LTK: variants seen among roughly 807,000 people sequenced by gnomAD.
LTK encodes the protein leukocyte tyrosine kinase receptor.
A neutral mutation model predicts 101.5 loss-of-function variants in LTK; 117 were observed. The ratio of observed to expected loss-of-function variants is 1.15; its 90% CI spans 0.99 to 1.34. The LOEUF is 1.34. LTK is among the 40% of genes most tolerant of loss of function. LTK has a pLI of 0.00. For missense variants in LTK, 1,252 were observed against 1,164.7 expected (o/e 1.07, Z -1.09); for synonymous variants, 563 against 494.2 (o/e 1.14, Z -1.85).
At chr15:41,510,531 G>C (rs541226373) in intron 7 of LTK, among the ~76,000 whole-genome samples, 160 of 151,446 alleles carry the variant, frequency 1.1e-3, no homozygotes, top group African/African-American at 3.2e-3. Context: ...GAGTGATCTC[G>C]GCTCACTGCA....
In LTK at chr15:41,513,747, T is replaced by G; in HGVS notation, c.-38A>C. 6.3e-7 allele frequency: 1 copy of G among 1,589,208 alleles called. No individual in the cohort carries two copies. Among genetic ancestry groups the G allele is most frequent in the East Asian group, 2.2e-5 (1 of 44,746 alleles). ...CACCCGGCAACAAAAGCCCTTGCGGTCGCGGCCACACCCCTGTCAACCTAA... is the reference window on the plus strand; with the variant it reads ...CACCCGGCAACAAAAGCCCTTGCGGGCGCGGCCACACCCCTGTCAACCTAA... On this transcript the variant is annotated 5_prime_UTR_variant, in exon 1 of 20. Transcript: ENST00000263800.
intron 10 of LTK, 52 bp downstream of exon 10, chr15:41,507,510 T>G: frequency 2.5e-6 from 4 of 1,597,286 alleles, no homozygotes; most frequent in Non-Finnish European, 3.4e-6. Context: ...CCATCCCAGC[T>G]CACTGGAGAG....
rs1484820319 is a variant in LTK at position 41,512,704 on chromosome 15, T to C, written c.359+3A>G. ...GTCCACCCTACCTCCGCCGTGCACT[T>C]ACAGATACTGGCCAGGGCCCGGCAC... On this transcript the variant is annotated splice_donor_region_variant and intron_variant, in intron 3 of 19. Transcript: ENST00000263800. 4 of 1,576,346 alleles carry C rather than the reference T, an allele frequency of 2.5e-6. No homozygotes were observed. In the South Asian group the frequency reaches 3.4e-5, roughly 13 times the overall value.
intron 4 of LTK, 58 bp from the exon 5 acceptor site, chr15:41,512,021 G>C: frequency 6.9e-7 from 1 of 1,457,396 alleles, no homozygotes; most frequent in Non-Finnish European, 9.0e-7. Context: ...CGCTGTGCTG[G>C]TGACCCGGCA....
chr15:41,506,249 T>C (rs2051278544), intron 11 of LTK, among the ~76,000 whole-genome samples: 1 of 152,232 alleles, frequency 6.6e-6, no homozygotes, highest in South Asian at 2.1e-4. Flanking sequence ...TGATGAGGAC[T>C]TCCCTGGTCC....
chr15:41,507,593 G>T lies in LTK; in HGVS notation c.1314C>A (p.Ser438Arg). ...TCAGGACCCCACACACCATAAGGAGGCTCAGTGTTGAGGTTGCCACCACAG... is the reference window on the plus strand; with the variant it reads ...TCAGGACCCCACACACCATAAGGAGTCTCAGTGTTGAGGTTGCCACCACAG... ...MVAVVATSTLSLLMVCGVLIL... is the reference protein window; with the variant it reads ...MVAVVATSTLRLLMVCGVLIL... The change falls in exon 10 of 20, where the codon AGC (serine) becomes AGA (arginine). Residue 438 changes from serine (S) to arginine (R), a missense_variant. By Grantham distance (110) the Ser-to-Arg change is moderately radical. Coordinates refer to ENST00000263800, the MANE Select transcript of LTK (RefSeq NM_002344.6). 6.2e-7 allele frequency: 1 copy of T among 1,613,978 alleles called. No homozygotes were observed. The highest frequency in any genetic ancestry group is 8.5e-7 in the Non-Finnish European group (1 of 1,179,990).
chr15:41,512,975 A>G lies in LTK; in HGVS notation c.187+2T>C. On this transcript the variant is annotated splice_donor_variant, in intron 2 of 19. Transcript: ENST00000263800. LOFTEE classifies it high-confidence loss of function. ...AAGAGGAAGGAGGCGTCTAAAGCTCACCCGGAGAATTCAGCGGGGAGGCTG... is the reference window on the plus strand; with the variant it reads ...AAGAGGAAGGAGGCGTCTAAAGCTCGCCCGGAGAATTCAGCGGGGAGGCTG... The G allele has an allele frequency of 6.2e-7, 1 of 1,613,460 alleles. No homozygotes were observed. Among genetic ancestry groups the G allele is most frequent in the Non-Finnish European group, 8.5e-7 (1 of 1,179,868 alleles).
chr15:41,507,459 G>C (rs1453933863), intron 10 of LTK, 103 bp downstream of exon 10: 1 of 1,554,870 alleles, frequency 6.4e-7, no homozygotes, highest in Non-Finnish European at 8.7e-7. Flanking sequence ...GCTCTGCTGC[G>C]GTGAGTGGTC....
At position 41,513,819 on chromosome 15, in the gene LTK, G is replaced by T; in HGVS notation, c.-110C>A. ...CGGCAGCCCTGGCCACCACTTACAG[G>T]GGTGTGCTGCCGCTGGCGAGACACT... On this transcript the variant is annotated 5_prime_UTR_variant, in exon 1 of 20. Coordinates refer to ENST00000263800, the MANE Select transcript of LTK (RefSeq NM_002344.6). The T allele has an allele frequency of 1.0e-6, 1 of 967,884 alleles. No homozygotes were observed. The highest frequency in any genetic ancestry group is 2.5e-5 in the East Asian group (1 of 39,814). The allele number at this position is 967,884 out of a possible 1,614,324, so 60.0% of individuals were successfully genotyped here.
Position 41,512,232 on chromosome 15 carries a change from G to A in LTK, c.393C>T (p.Gly131=). The A allele has an allele frequency of 6.2e-7, 1 of 1,612,842 alleles. No individual in the cohort carries two copies. The highest frequency in any genetic ancestry group is 8.5e-7 in the Non-Finnish European group (1 of 1,179,778). The change falls in exon 4 of 20, where the codon GGC becomes GGT. Residue 131 remains glycine, a synonymous_variant. Transcript: ENST00000263800. ...GCGCCCGCGACAGGTGGTTCTTGGC[G>A]CCTTTGCCGCCCGCGGCTCCGTAGG... ...ISAYGAAGGK[G]AKNHLSRAHG...
Position 41,507,216 on chromosome 15 carries a change from T to A in LTK, c.1420A>T (p.Thr474Ser). 1.2e-6 allele frequency: 2 copies of A among 1,613,430 alleles called. No homozygotes were observed. Residue 474 changes from threonine to serine, a missense_variant, in exon 11 of 20, where the codon ACC becomes TCC. Physicochemically the swap from Thr to Ser is moderately conservative, Grantham distance 58. Transcript: ENST00000263800. ...SPELELSKLR[T>S]SAIRTAPNPY... ...TTGGGGGCTGTCCTGATGGCAGAGG[T>A]TCGAAGCTTGCTCAGCTCAAGCTCA...
At position 41,505,059 on chromosome 15, in the gene LTK, A is replaced by G; in HGVS notation, c.1931T>C (p.Ile644Thr). 2 of 1,612,702 alleles carry G rather than the reference A, an allele frequency of 1.2e-6. No individual in the cohort carries two copies. Among genetic ancestry groups the G allele is most frequent in the Non-Finnish European group, 1.7e-6 (2 of 1,179,284 alleles). Residue 644 changes from isoleucine (I) to threonine (T), a missense_variant, in exon 16 of 20, where the codon ATT becomes ACT. By Grantham distance (89) the Ile-to-Thr change is moderately conservative. Coordinates refer to ENST00000263800, the MANE Select transcript of LTK (RefSeq NM_002344.6). ...GCTCAGCAGGCAGTTCCGGGCGGCA[A>G]TATCCCTACAGAGTAGGCAAAAAAA... ...LEENHFIHRDIAARNCLLSCA... is the reference protein window; with the variant it reads ...LEENHFIHRDTAARNCLLSCA...
rs201048749 is a variant in LTK at position 41,505,234 on chromosome 15, G to A, written c.1899C>T (p.Tyr633=). Reference sequence around the variant, plus strand: ...TGTGGATGAAGTGATTTTCCTCCAGGTAGTGGCAGCCCTGGGCTATGTCCT... The same window carrying A: ...TGTGGATGAAGTGATTTTCCTCCAGATAGTGGCAGCCCTGGGCTATGTCCT... The part of the protein sequence containing the change: ...LAQDIAQGCH[Y]LEENHFIHRD... Residue 633 remains tyrosine, a synonymous_variant, in exon 15 of 20, where the codon TAC becomes TAT. Coordinates refer to ENST00000263800, the MANE Select transcript of LTK (RefSeq NM_002344.6). The A allele has an allele frequency of 6.2e-7, 1 of 1,614,094 alleles. No homozygotes were observed. Among genetic ancestry groups the A allele is most frequent in the South Asian group, 1.1e-5 (1 of 91,074 alleles).
intron 7 of LTK, among the ~76,000 whole-genome samples, chr15:41,510,606 C>T (rs2051425293): frequency 6.6e-6 from 1 of 152,036 alleles, no homozygotes; most frequent in South Asian, 2.1e-4. Flanking sequence ...GGATTACAGG[C>T]TCCCGCCACC....
At position 41,505,497 on chromosome 15, in the gene LTK, C is replaced by T. The variant is rs372785537; in HGVS notation, c.1731G>A (p.Val577=). The change falls in exon 14 of 20, where the codon GTG becomes GTA. Residue 577 remains valine (V), a synonymous_variant. Coordinates refer to ENST00000263800, the MANE Select transcript of LTK (RefSeq NM_002344.6). ...KFRHQNIVRC[V]GLSLRATPRL... Reference sequence around the variant, plus strand: ...GAGGGGTGGCCCTGAGGCTGAGCCCCACACACCGCACAATGTTCTGATGGC... The same window carrying T: ...GAGGGGTGGCCCTGAGGCTGAGCCCTACACACCGCACAATGTTCTGATGGC... 2 of 1,613,922 alleles carry T rather than the reference C, an allele frequency of 1.2e-6. No homozygotes were observed. Among genetic ancestry groups the T allele is most frequent in the Non-Finnish European group, 1.7e-6 (2 of 1,180,008 alleles).
chr15:41,506,285 A>G (rs1029695651), intron 11 of LTK, among the ~76,000 whole-genome samples: 13 of 152,176 alleles, frequency 8.5e-5, no homozygotes, highest in Non-Finnish European at 1.9e-4. Flanking sequence ...GCGGGAGGCA[A>G]TCCCTGGGCT....
chr15:41,511,986 T>C lies in LTK; in HGVS notation c.511-23A>G. 6.9e-7 allele frequency: 1 copy of C among 1,445,122 alleles called. No homozygotes were observed. Among genetic ancestry groups the C allele is most frequent in the South Asian group, 1.5e-5 (1 of 68,050 alleles). The allele number at this position is 1,445,122 out of a possible 1,614,324, so 89.5% of individuals were successfully genotyped here. On this transcript the variant is annotated intron_variant, in intron 4 of 19. Transcript: ENST00000263800. The surrounding 1 kb of genome is among the most constrained non-coding windows in gnomAD (Gnocchi z 5.9). ...ACCCTGCGGGCAGCGGGGGAGGGAA[T>C]CGGCGGGGCCCGGGAGCCTCCCCTC...
chr15:41,505,478 T>C lies in LTK; in HGVS notation c.1750A>G (p.Thr584Ala), dbSNP rs1359446527. The C allele has an allele frequency of 6.2e-7, 1 of 1,613,650 alleles. No individual in the cohort carries two copies. Among genetic ancestry groups the C allele is most frequent in the South Asian group, 1.1e-5 (1 of 91,062 alleles). Residue 584 changes from threonine (T) to alanine (A), a missense_variant, in exon 14 of 20, where the codon ACC becomes GCC. By Grantham distance (58) the Thr-to-Ala change is moderately conservative. Transcript: ENST00000263800. ...AGTTCCAGCAGAATGAGGCGAGGGG[T>C]GGCCCTGAGGCTGAGCCCCACACAC... is the stretch of plus-strand genomic sequence containing the variant. ...VRCVGLSLRA[T>A]PRLILLELMS...
intron 7 of LTK, among the ~76,000 whole-genome samples, chr15:41,510,405 A>G (rs1423322649): frequency 2.6e-5 from 4 of 152,004 alleles, no homozygotes; most frequent in African/African-American, 9.7e-5. Context: ...GCCATTTTGC[A>G]TTGTTTTGAC....
Sources: gnomAD v4.1 joint callset for allele counts (sites outside exome capture counted in the v4.1 genomes callset) on GRCh38, gnomAD v4.1.1 for gene constraint, Gnocchi (gnomAD v3.1) non-coding constraint, MANE v1.5 for transcripts, NCBI Gene and HGNC (gene_info 2026-07-23, HGNC 2026-07-21) for gene names.